Variants in SNTG2 observed in about 807,000 individuals in gnomAD.
SNTG2 encodes gamma-2-syntrophin.
In SNTG2, 74 loss-of-function variants were observed where a neutral mutation model predicts 70.9. The observed-to-expected ratio is 1.04, with a 90% CI of 0.86 to 1.27. The LOEUF is 1.27. Among genes scored for constraint, SNTG2 ranks in the 50% most tolerant of loss-of-function variants. The pLI is 0.00. For synonymous variants in SNTG2, 278 were observed against 273.8 expected (o/e 1.02, Z -0.15); for missense variants, 717 against 690.7 (o/e 1.04, Z -0.43).
At chr2:1,076,807 G>C (rs1663946610) in intron 1 of SNTG2, among the ~76,000 whole-genome samples, 2 of 152,080 alleles carry the variant, frequency 1.3e-5, no homozygotes, top group African/African-American at 4.8e-5. Flanking sequence ...TAAAAAAATT[G>C]ACCTTCATAG....
At chr2:995,208 A>T (rs1404954945) in intron 1 of SNTG2, among the ~76,000 whole-genome samples, 1 of 152,062 alleles carries the variant, frequency 6.6e-6, no homozygotes, top group Non-Finnish European at 1.5e-5. Context: ...TTTTCCACAG[A>T]TAACTTTTAT....
At chr2:1,293,354 A>C (rs758734053) in intron 14 of SNTG2, among the ~76,000 whole-genome samples, 56 of 151,996 alleles carry the variant, frequency 3.7e-4, no homozygotes, top group Middle Eastern at 3.4e-3. Context: ...TGTCTTTTTA[A>C]AAATTTCTTC....
chr2:1,067,640 G>T (rs1663244147), intron 1 of SNTG2, among the ~76,000 whole-genome samples: 1 of 152,174 alleles, frequency 6.6e-6, no homozygotes, highest in African/African-American at 2.4e-5. Context: ...GACATAGTCT[G>T]TCAGCATTCT....
intron 7 of SNTG2, among the ~76,000 whole-genome samples, chr2:1,171,843 C>T (rs57646544): frequency 0.05 from 7,597 of 152,216 alleles, 292 homozygotes; most frequent in East Asian, 0.21. Context: ...ACTCGCTGAA[C>T]GTTGCACATC....
chr2:1,213,356 T>C lies in SNTG2; in HGVS notation c.719+4126T>C, dbSNP rs554349623. The stretch of plus-strand genomic sequence containing the variant: ...ATGTATAAAGAAACCAATTTTCCCA[T>C]AGGCTAATAGCTATAAATAAGAGTT... On this transcript the variant is annotated intron_variant, in intron 9 of 16. Transcript: ENST00000308624. Among the ~76,000 whole-genome samples the C allele has an allele frequency of 5.3e-5, 8 of 152,314 alleles. No homozygotes were observed. The South Asian group carries it at 1.4e-3, about 28-fold the overall frequency.
chr2:1,257,085 A>G (rs9330334), intron 12 of SNTG2, among the ~76,000 whole-genome samples: 80,058 of 151,676 alleles, frequency 0.53, 21,525 homozygotes, highest in East Asian at 0.82. Context: ...TAACACTTGC[A>G]TCCTCTGGTA....
Position 1,260,442 on chromosome 2 carries a change from T to C in SNTG2, c.1077+1001T>C, listed in dbSNP as rs138724352. Among the ~76,000 whole-genome samples, 27 of 152,332 alleles carry C rather than the reference T, an allele frequency of 1.8e-4. No individual in the cohort carries two copies. In the East Asian group the frequency reaches 4.0e-3, roughly 23 times the overall value. On this transcript the variant is annotated intron_variant, in intron 13 of 16. Coordinates refer to ENST00000308624, the MANE Select transcript of SNTG2 (RefSeq NM_018968.4). ...GCATTGTTCCTACTTTTGTTGAATA[T>C]GGTAATGAAGGAGATGAAGGAAAAG...
At chr2:1,350,605 T>G (rs1573015514) in intron 16 of SNTG2, among the ~76,000 whole-genome samples, 2 of 152,202 alleles carry the variant, frequency 1.3e-5, no homozygotes, top group East Asian at 3.9e-4. Flanking sequence ...TTGCTGGCAT[T>G]GATGACTTGA....
In SNTG2 at chr2:1,247,351, G is replaced by A; in HGVS notation, c.913G>A (p.Glu305Lys). Reference protein sequence around the residue: ...DQVVHMGWVNEKLQGADSSQT... With the variant: ...DQVVHMGWVNKKLQGADSSQT... Reference sequence around the variant, plus strand: ...GGTTGTGCATATGGGGTGGGTAAATGAGAAACTCCAAGGAGCTGACTCCTC... The same window carrying A: ...GGTTGTGCATATGGGGTGGGTAAATAAGAAACTCCAAGGAGCTGACTCCTC... Residue 305 changes from glutamate (E) to lysine (K), a missense_variant, in exon 12 of 17, where the codon GAG becomes AAG. Glu to Lys is a moderately conservative substitution (Grantham distance 56). Coordinates refer to ENST00000308624, the MANE Select transcript of SNTG2 (RefSeq NM_018968.4). 1 of 1,613,820 alleles carries A rather than the reference G, an allele frequency of 6.2e-7. No individual in the cohort carries two copies. The highest frequency in any genetic ancestry group is 2.2e-5 in the East Asian group (1 of 44,870).
intron 1 of SNTG2, among the ~76,000 whole-genome samples, chr2:1,050,184 A>AT (rs1217014126): frequency 6.6e-6 from 1 of 152,074 alleles, no homozygotes; most frequent in Non-Finnish European, 1.5e-5. Context: ...ACTGAACAGA[A>AT]TTTTTTTCCT....
intron 9 of SNTG2, among the ~76,000 whole-genome samples, chr2:1,228,943 T>A (rs1675991177): frequency 6.6e-6 from 1 of 152,176 alleles, no homozygotes. Flanking sequence ...CGGTGAGTGT[T>A]ACAGCTCTTA....
intron 4 of SNTG2, among the ~76,000 whole-genome samples, chr2:1,134,964 G>A (rs1668281053): frequency 6.6e-6 from 1 of 152,174 alleles, no homozygotes; most frequent in Admixed American, 6.5e-5. Context: ...CCGCTGGCCA[G>A]GGGGCTAAGC....
At chr2:1,263,617 T>C (rs935967330) in intron 13 of SNTG2, among the ~76,000 whole-genome samples, 2 of 152,184 alleles carry the variant, frequency 1.3e-5, no homozygotes, top group African/African-American at 4.8e-5. Context: ...TTGCCAGAGC[T>C]GACCCTGCCA....
chr2:1,084,152 G>A (rs1184993326), intron 2 of SNTG2, among the ~76,000 whole-genome samples: 1 of 152,156 alleles, frequency 6.6e-6, no homozygotes, highest in Non-Finnish European at 1.5e-5. Context: ...CCATTCCTAC[G>A]TTCTAGGCTG....
At chr2:1,316,699 C>G (rs1002994654) in intron 16 of SNTG2, among the ~76,000 whole-genome samples, 1 of 110,614 alleles carries the variant, frequency 9.0e-6, no homozygotes, top group Non-Finnish European at 2.0e-5. Context: ...CTTTGAGCAT[C>G]AGGCCAGCAT....
At chr2:1,179,331 C>T (rs568491546) in intron 8 of SNTG2, among the ~76,000 whole-genome samples, 2 of 151,974 alleles carry the variant, frequency 1.3e-5, no homozygotes, top group Non-Finnish European at 2.9e-5. Flanking sequence ...TTAGTTAGCC[C>T]AAAATCTCCT....
intron 16 of SNTG2, among the ~76,000 whole-genome samples, chr2:1,352,153 A>G (rs190150040): frequency 6.6e-6 from 1 of 152,234 alleles, no homozygotes; most frequent in East Asian, 1.9e-4. Context: ...TCTTCCACCC[A>G]CACCATGCCC....
At chr2:988,195 G>A (rs1203300204) in intron 1 of SNTG2, among the ~76,000 whole-genome samples, 1 of 152,230 alleles carries the variant, frequency 6.6e-6, no homozygotes, top group Non-Finnish European at 1.5e-5. Flanking sequence ...AAAGACATGG[G>A]GGACCGAGGC....
chr2:1,338,457 A>G (rs1253940316), intron 16 of SNTG2, among the ~76,000 whole-genome samples: 1 of 152,102 alleles, frequency 6.6e-6, no homozygotes, highest in East Asian at 1.9e-4. Flanking sequence ...CCTATTGTAA[A>G]TGGGATTGTT....
Sources: allele counts gnomAD v4.1 joint callset (sites outside exome capture counted in the v4.1 genomes callset), GRCh38; gene constraint gnomAD v4.1.1; transcripts MANE v1.5; gene names NCBI Gene and HGNC (gene_info 2026-07-23, HGNC 2026-07-21).